Variants in EFR3B observed in about 807,000 individuals in gnomAD.
The protein encoded by EFR3B is EFR3 homolog B.
EFR3B carries 64 observed loss-of-function variants against 104.7 expected under a neutral mutation model. That is an observed-to-expected ratio of 0.61 (90% CI 0.50 to 0.75). EFR3B has a LOEUF of 0.75. EFR3B is among the 30% of genes least tolerant of loss of function. The pLI, the probability that EFR3B is intolerant of heterozygous loss-of-function variation, is 0.00. For synonymous variants in EFR3B, 385 were observed against 417.9 expected (o/e 0.92, Z 0.96); for missense variants, 750 against 1,078.5 (o/e 0.70, Z 4.27).
chr2:25,109,633 T>C (rs1003031581), intron 4 of EFR3B, among the ~76,000 whole-genome samples: 1 of 152,208 alleles, frequency 6.6e-6, no homozygotes, highest in Non-Finnish European at 1.5e-5. Context: ...GGTCACCTAT[T>C]TATCGTCCCA....
Position 25,137,452 on chromosome 2 carries a change from G to T in EFR3B, c.1672G>T (p.Ala558Ser). The T allele has an allele frequency of 6.4e-7, 1 of 1,551,760 alleles. No individual in the cohort carries two copies. Among genetic ancestry groups the T allele is most frequent in the Non-Finnish European group, 8.7e-7 (1 of 1,146,996 alleles). The change falls in exon 15 of 23, where the codon GCT becomes TCT. Residue 558 changes from alanine (A) to serine (S), a missense_variant. Coordinates refer to ENST00000403714, the MANE Select transcript of EFR3B (RefSeq NM_014971.2). The surrounding 1 kb of genome is among the most constrained non-coding windows in gnomAD (Gnocchi z 4.7). ...GCTGGCCCTCATCAGCATCGAGCTGGCTAACGAGGAGGTGGTGGTGGACCT... is the reference window on the plus strand; with the variant it reads ...GCTGGCCCTCATCAGCATCGAGCTGTCTAACGAGGAGGTGGTGGTGGACCT... ...GLLALISIEL[A>S]NEEVVVDLIR...
intron 1 of EFR3B, among the ~76,000 whole-genome samples, chr2:25,059,045 T>C (rs1668105967): frequency 6.6e-6 from 1 of 152,114 alleles, no homozygotes; most frequent in African/African-American, 2.4e-5. Flanking sequence ...GCAGCCTAAG[T>C]GTCCATCGAC....
intron 1 of EFR3B, among the ~76,000 whole-genome samples, chr2:25,084,879 G>T (rs1668907593): frequency 6.6e-6 from 1 of 152,214 alleles, no homozygotes; most frequent in South Asian, 2.1e-4. Flanking sequence ...GCAGAGAGGG[G>T]ACTTCGAATA....
rs1014296942 is a variant in EFR3B, at chr2:25,136,891, G to C, written c.1560+293G>C. The stretch of plus-strand genomic sequence containing the variant: ...AGATTGTGCCAATGTACTTCAGCCT[G>C]GGTGACAGAGCAAAAGTCACTGCTG... On this transcript the variant is annotated intron_variant, in intron 14 of 22. Transcript: ENST00000403714. The surrounding 1 kb of genome is among the most constrained non-coding windows in gnomAD (Gnocchi z 4.0). Among the ~76,000 whole-genome samples, 1 of 152,186 alleles carries C rather than the reference G, an allele frequency of 6.6e-6. No homozygotes were observed. The highest frequency in any genetic ancestry group is 2.4e-5 in the African/African-American group (1 of 41,442).
rs1408429137 is a variant in EFR3B at position 25,042,366 on chromosome 2, G to A, written c.7+47G>A. On this transcript the variant is annotated intron_variant, in intron 1 of 22. Transcript: ENST00000403714. This position sits in a 1 kb window ranked among gnomAD's most constrained non-coding sequence, Gnocchi z 5.4. ...GGCCCGGGCCCGCGGGGGCGACTCC[G>A]CAAACTTCCCCGGCGCGGACCATTG... is the stretch of plus-strand genomic sequence containing the variant. 4.8e-6 allele frequency: 6 copies of A among 1,240,072 alleles called. No individual in the cohort carries two copies. The highest frequency in any genetic ancestry group is 6.1e-6 in the Non-Finnish European group (6 of 990,934). 76.8% of individuals were successfully genotyped at this position (1,240,072 alleles called of 1,614,324 possible). A position where few individuals can be genotyped will look rare whatever the true frequency, so the allele number is the denominator to read the frequency against.
Position 25,068,930 on chromosome 2 carries a change from C to CT in EFR3B, c.8-22376dup, listed in dbSNP as rs571830012. Among the ~76,000 whole-genome samples the CT allele has an allele frequency of 5.6e-3, 453 of 80,978 alleles. 1 individual carries two copies. The highest frequency in any genetic ancestry group is 0.013 in the Middle Eastern group (1 of 80). The allele number at this position is 80,978 out of a possible 152,430, so 53.1% of individuals were successfully genotyped here. A position where few individuals can be genotyped will look rare whatever the true frequency, so the allele number is the denominator to read the frequency against. Reference sequence around the variant, plus strand: ...AGGCGTGAGCCACCGCGCCCGGCATCTTTTTTTTTTTTTTTTTTTCTGAGA... The same window carrying CT: ...AGGCGTGAGCCACCGCGCCCGGCATCTTTTTTTTTTTTTTTTTTTTCTGAGA... On this transcript the variant is annotated intron_variant, in intron 1 of 22. Transcript: ENST00000403714.
intron 3 of EFR3B, among the ~76,000 whole-genome samples, chr2:25,093,598 T>C (rs936075976): frequency 6.6e-6 from 1 of 152,168 alleles, no homozygotes; most frequent in Admixed American, 6.5e-5. Flanking sequence ...AGGCAGGGTC[T>C]AGTGTGATGC....
At chr2:25,141,099 CTTAAGAG>C (rs1245914888) in intron 16 of EFR3B, among the ~76,000 whole-genome samples, 2 of 151,126 alleles carry the variant, frequency 1.3e-5, no homozygotes, top group Non-Finnish European at 2.9e-5. Context: ...GCTGCAGTCT[CTTAAGAG>C]TTAAGTTCCC....
At chr2:25,060,884 G>A (rs1668173325) in intron 1 of EFR3B, among the ~76,000 whole-genome samples, 1 of 151,592 alleles carries the variant, frequency 6.6e-6, no homozygotes, top group African/African-American at 2.4e-5. Flanking sequence ...TCGCCCCACT[G>A]CACTCCAGCC....
intron 1 of EFR3B, among the ~76,000 whole-genome samples, chr2:25,079,107 A>G (rs1573186146): frequency 6.6e-6 from 1 of 152,250 alleles, no homozygotes; most frequent in East Asian, 1.9e-4. Flanking sequence ...CCCCACCTCT[A>G]CTGGGGCATC....
intron 3 of EFR3B, among the ~76,000 whole-genome samples, chr2:25,096,681 C>T (rs1418654369): frequency 2.0e-5 from 3 of 152,168 alleles, no homozygotes; most frequent in African/African-American, 7.2e-5. Context: ...TGTTCTCTCT[C>T]ACTTTGACCT....
intron 1 of EFR3B, among the ~76,000 whole-genome samples, chr2:25,065,582 A>G (rs66593236): frequency 0.12 from 18,248 of 151,942 alleles, 1,167 homozygotes; most frequent in East Asian, 0.24. Flanking sequence ...TTCACTTCAC[A>G]CTATTTGAAA....
At chr2:25,057,847 A>T (rs1055440033) in intron 1 of EFR3B, among the ~76,000 whole-genome samples, 1 of 152,160 alleles carries the variant, frequency 6.6e-6, no homozygotes, top group Admixed American at 6.5e-5. Context: ...TTGTGCATCA[A>T]ATGATGCTTT....
chr2:25,102,678 G>A (rs1299315383), intron 3 of EFR3B, among the ~76,000 whole-genome samples: 8 of 152,084 alleles, frequency 5.3e-5, no homozygotes, highest in Non-Finnish European at 1.0e-4. Flanking sequence ...GTGGGGACGC[G>A]GAGCCAAACC....
At chr2:25,069,301 G>A (rs1668426413) in intron 1 of EFR3B, among the ~76,000 whole-genome samples, 1 of 152,182 alleles carries the variant, frequency 6.6e-6, no homozygotes, top group Non-Finnish European at 1.5e-5. Context: ...AGAAGCCATC[G>A]CTTGTCTCTG....
At chr2:25,117,746 C>A (rs1312519663) in intron 4 of EFR3B, among the ~76,000 whole-genome samples, 2 of 152,032 alleles carry the variant, frequency 1.3e-5, no homozygotes, top group Non-Finnish European at 2.9e-5. Flanking sequence ...TGCCTATTGC[C>A]CACTTTCTCA....
At chr2:25,124,890 C>G (rs1670122608) in intron 5 of EFR3B, among the ~76,000 whole-genome samples, 1 of 151,458 alleles carries the variant, frequency 6.6e-6, no homozygotes, top group Non-Finnish European at 1.5e-5. Flanking sequence ...AACCCCGTCT[C>G]TATTGAAAAC....
At chr2:25,062,683 C>T (rs1279621716) in intron 1 of EFR3B, among the ~76,000 whole-genome samples, 2 of 152,206 alleles carry the variant, frequency 1.3e-5, no homozygotes, top group African/African-American at 4.8e-5. Context: ...GGAAGCTGAC[C>T]CGGGAAGTCC....
intron 17 of EFR3B, among the ~76,000 whole-genome samples, chr2:25,142,222 C>G (rs1156229392): frequency 6.6e-6 from 1 of 152,098 alleles, no homozygotes; most frequent in Non-Finnish European, 1.5e-5. Context: ...GTGGGCGGAT[C>G]ACTTGAGGTC....
Sources: gnomAD v4.1 joint callset for allele counts (sites outside exome capture counted in the v4.1 genomes callset) on GRCh38, gnomAD v4.1.1 for gene constraint, Gnocchi (gnomAD v3.1) non-coding constraint, MANE v1.5 for transcripts, NCBI Gene and HGNC (gene_info 2026-07-23, HGNC 2026-07-21) for gene names.